Variants in AP1S3 observed in about 807,000 individuals in gnomAD.
AP1S3 encodes AP-1 complex subunit sigma-3.
In AP1S3, 10 loss-of-function variants were observed where a neutral mutation model predicts 20.9. The ratio of observed to expected loss-of-function variants is 0.48; its 90% confidence interval spans 0.29 to 0.81. The LOEUF (loss-of-function observed/expected upper bound fraction) is 0.81, where lower values mean the gene tolerates loss of function less well. Ranked by LOEUF, AP1S3 falls within the 30% of genes least tolerant of loss-of-function variation. AP1S3 has a pLI of 0.08. For synonymous variants in AP1S3, 41 were observed against 61.5 expected (o/e 0.67, Z 1.56); for missense variants, 154 against 183.8 (o/e 0.84, Z 0.94).
At chr2:223,836,393 G>C (rs957965853) in intron 1 of AP1S3, among the ~76,000 whole-genome samples, 3 of 152,112 alleles carry the variant, frequency 2.0e-5, no homozygotes, top group Non-Finnish European at 2.9e-5. Flanking sequence ...CTTCCAACCT[G>C]ACCCCCTATC....
At position 223,837,496 on chromosome 2, in the gene AP1S3, G is replaced by GGAGAAGCGAGGGC. The variant is rs1692435615; in HGVS notation, c.-59_-47dup. 1.2e-5 allele frequency: 15 copies of GGAGAAGCGAGGGC among 1,260,370 alleles called. No individual in the cohort carries two copies. The highest frequency in any genetic ancestry group is 1.5e-5 in the Non-Finnish European group (15 of 995,464). 78.1% of individuals were successfully genotyped at this position (1,260,370 alleles called of 1,614,324 possible). On this transcript the variant is annotated 5_prime_UTR_variant, in exon 1 of 5. Coordinates refer to ENST00000396654, the MANE Select transcript of AP1S3 (RefSeq NM_001039569.2). ...CCCCGCCTTGCGAGCAAGGAGCGCT[G>GGAGAAGCGAGGGC]GAGAAGCGAGGGCGAGAGGCGAGCG...
At chr2:223,809,418 G>A (rs764739607) in intron 1 of AP1S3, among the ~76,000 whole-genome samples, 2 of 152,052 alleles carry the variant, frequency 1.3e-5, no homozygotes, top group African/African-American at 2.4e-5. Context: ...GCCAAGGCGG[G>A]CAGATCACTT....
At position 223,756,793 on chromosome 2, in the gene AP1S3, T is replaced by A; in HGVS notation, c.*1922A>T. The A allele has an allele frequency of 1.0e-6, 1 of 985,368 alleles. No individual in the cohort carries two copies. The highest frequency in any genetic ancestry group is 1.2e-6 in the Non-Finnish European group (1 of 829,912). The allele number at this position is 985,368 out of a possible 1,614,324, so 61.0% of individuals were successfully genotyped here. A position where few individuals can be genotyped will look rare whatever the true frequency, so the allele number is the denominator to read the frequency against. On this transcript the variant is annotated 3_prime_UTR_variant, in exon 5 of 5. Transcript: ENST00000396654. ...ATGAACTAAAGAGAACATTTTTCCA[T>A]CGAGTTCTCTAAAAATCTACCAGAT...
At chr2:223,820,641 T>C (rs1175458469) in intron 1 of AP1S3, among the ~76,000 whole-genome samples, 5 of 139,124 alleles carry the variant, frequency 3.6e-5, no homozygotes, top group South Asian at 4.5e-4. Context: ...ACCTAGGAAA[T>C]GATGATTCAG....
chr2:223,828,555 A>G (rs1003022908), intron 1 of AP1S3, among the ~76,000 whole-genome samples: 4 of 152,164 alleles, frequency 2.6e-5, no homozygotes, highest in Admixed American at 6.5e-5. Context: ...AATAAAACTG[A>G]GATGACTCAA....
chr2:223,760,558 T>C (rs1690330013), intron 4 of AP1S3, among the ~76,000 whole-genome samples: 1 of 152,190 alleles, frequency 6.6e-6, no homozygotes, highest in South Asian at 2.1e-4. Flanking sequence ...CCCATACCCA[T>C]CTACCCCTCT....
At chr2:223,811,680 G>T (rs7576099) in intron 1 of AP1S3, among the ~76,000 whole-genome samples, 1 of 151,972 alleles carries the variant, frequency 6.6e-6, no homozygotes, top group African/African-American at 2.4e-5. Flanking sequence ...TATTGATGCT[G>T]GGGGCATTCT....
intron 1 of AP1S3, among the ~76,000 whole-genome samples, chr2:223,811,010 A>T (rs1360810333): frequency 6.6e-6 from 1 of 151,718 alleles, no homozygotes; most frequent in African/African-American, 2.4e-5. Context: ...CATTTTTTTT[A>T]TTTCAATAGC....
At chr2:223,817,303 C>A (rs1691866759) in intron 1 of AP1S3, among the ~76,000 whole-genome samples, 1 of 151,778 alleles carries the variant, frequency 6.6e-6, no homozygotes, top group Non-Finnish European at 1.5e-5. Flanking sequence ...TGCTTAGAGT[C>A]CTGGAAAAAG....
chr2:223,826,798 C>G (rs10933023), intron 1 of AP1S3, among the ~76,000 whole-genome samples: 73,454 of 151,710 alleles, frequency 0.48, 17,863 homozygotes, highest in Middle Eastern at 0.57. Context: ...GGAATACAGG[C>G]GAGCACCACC....
In AP1S3 at chr2:223,770,235, C is replaced by T. The variant is rs865954648; in HGVS notation, c.292-4885G>A. 20 of 1,550,790 alleles carry T rather than the reference C, an allele frequency of 1.3e-5. 1 individual carries two copies. The South Asian group carries it at 2.4e-4, about 18-fold the overall frequency. On this transcript the variant is annotated intron_variant, in intron 3 of 4. Coordinates refer to ENST00000396654, the MANE Select transcript of AP1S3 (RefSeq NM_001039569.2). ...AGGCAGAAGTCAGGAGTTATAGTAG[C>T]AAGCTGAGGAACCTCGGAGTTCAAG...
At chr2:223,778,567 T>TA (rs1225311058) in intron 1 of AP1S3, among the ~76,000 whole-genome samples, 13 of 152,190 alleles carry the variant, frequency 8.5e-5, no homozygotes, top group Non-Finnish European at 1.8e-4. Context: ...GGATTTACTT[T>TA]AAAAATTATA....
intron 1 of AP1S3, among the ~76,000 whole-genome samples, chr2:223,806,278 T>C (rs1042601151): frequency 1.3e-4 from 4 of 30,728 alleles, no homozygotes; most frequent in Non-Finnish European, 2.2e-4. Flanking sequence ...AACAAAGGAA[T>C]TTTTTTTTTT....
intron 3 of AP1S3, chr2:223,773,499 G>T (rs10933015): frequency 0.14 from 110,398 of 816,418 alleles, 16,099 homozygotes; most frequent in East Asian, 0.59. Flanking sequence ...ACCAAGAGGA[G>T]AAAGAAAAGA....
At chr2:223,778,518 C>G (rs1690845415) in intron 1 of AP1S3, among the ~76,000 whole-genome samples, 1 of 151,720 alleles carries the variant, frequency 6.6e-6, no homozygotes, top group Non-Finnish European at 1.5e-5. Flanking sequence ...TTAATTTCTT[C>G]CTTTACAAGA....
Position 223,832,089 on chromosome 2 carries a change from ATC to A in AP1S3, c.3+5357_3+5358del, listed in dbSNP as rs72317243. On this transcript the variant is annotated intron_variant, in intron 1 of 4. Transcript: ENST00000396654. The stretch of plus-strand genomic sequence containing the variant: ...AAGACTCCGTCTCAAAAAAAAAAAA[ATC>A]AAAAAAAGGACTTATTCTGGGGATT... Among the ~76,000 whole-genome samples the A allele has an allele frequency of 9.8e-4, 42 of 42,948 alleles. 5 individuals carry two copies. The highest frequency in any genetic ancestry group is 5.7e-3 in the Admixed American group (17 of 2,974). 28.2% of individuals were successfully genotyped at this position (42,948 alleles called of 152,430 possible). A position where few individuals can be genotyped will look rare whatever the true frequency, so the allele number is the denominator to read the frequency against.
chr2:223,837,534 C>T lies in AP1S3; in HGVS notation c.-84G>A, dbSNP rs2106049182. On this transcript the variant is annotated 5_prime_UTR_variant, in exon 1 of 5. Transcript: ENST00000396654. ...CGAGAGGCGAGCGCTGGAGCCGGTG[C>T]GGCTGACAGGTGAGGCGCCCGGCTT... The T allele has an allele frequency of 2.1e-6, 2 of 971,100 alleles. No individual in the cohort carries two copies. The highest frequency in any genetic ancestry group is 2.7e-6 in the Non-Finnish European group (2 of 744,354). 60.2% of individuals were successfully genotyped at this position (971,100 alleles called of 1,614,324 possible).
At chr2:223,806,383 A>AT (rs1691582482) in intron 1 of AP1S3, among the ~76,000 whole-genome samples, 1 of 144,802 alleles carries the variant, frequency 6.9e-6, no homozygotes, top group Non-Finnish European at 1.5e-5. Context: ...TCCCGGGTTC[A>AT]CACCATTCTC....
intron 1 of AP1S3, among the ~76,000 whole-genome samples, chr2:223,802,900 C>T (rs186433421): frequency 1.0e-3 from 157 of 152,282 alleles, no homozygotes; most frequent in Admixed American, 2.4e-3. Flanking sequence ...AAATCTATAT[C>T]CTGGGCTACA....
Sources: allele counts gnomAD v4.1 joint callset (sites outside exome capture counted in the v4.1 genomes callset), GRCh38; gene constraint gnomAD v4.1.1; transcripts MANE v1.5; gene names NCBI Gene and HGNC (gene_info 2026-07-23, HGNC 2026-07-21).